Variants in FCRL2 observed in about 807,000 individuals in gnomAD.
FCRL2 encodes Fc receptor-like protein 2.
FCRL2 carries 48 observed loss-of-function variants against 59.8 expected under a neutral mutation model. The ratio of observed to expected loss-of-function variants is 0.80; its 90% CI spans 0.64 to 1.02. The LOEUF is 1.02. FCRL2 is among the 50% of genes least tolerant of loss of function. FCRL2 has a pLI of 0.00. For synonymous variants in FCRL2, 251 were observed against 229.5 expected (o/e 1.09, Z -0.85); for missense variants, 658 against 597.3 (o/e 1.10, Z -1.06).
chr1:157,768,554 A>G lies in FCRL2; in HGVS notation c.743T>C (p.Met248Thr). 1 of 1,614,166 alleles carries G rather than the reference A, an allele frequency of 6.2e-7. No homozygotes were observed. The highest frequency in any genetic ancestry group is 8.5e-7 in the Non-Finnish European group (1 of 1,180,028). Residue 248 changes from methionine (M) to threonine (T), a missense_variant, in exon 5 of 12, where the codon ATG becomes ACG. Met to Thr is a moderately conservative substitution (Grantham distance 81, BLOSUM62 -1). Coordinates refer to ENST00000361516, the MANE Select transcript of FCRL2 (RefSeq NM_030764.4). ...CAGGGAACGCTGGGTTTTCTTTCCC[A>G]TACTGGTTCCTGTGGCCTCTCTGTA... ...SWYREATGTS[M>T]GKKTQRSLSA...
chr1:157,768,418 C>T lies in FCRL2; in HGVS notation c.879G>A (p.Val293=), dbSNP rs1188340088. The T allele has an allele frequency of 1.2e-6, 2 of 1,612,942 alleles. No homozygotes were observed. Among genetic ancestry groups the T allele is most frequent in the South Asian group, 2.2e-5 (2 of 90,944 alleles). Residue 293 remains valine, a synonymous_variant, in exon 5 of 12, where the codon GTG becomes GTA. Transcript: ENST00000361516. ...ATGAATGAGAGTGTCACTCACTTCT[C>T]ACAGGGATATTCACCACCTTGCTCT... ...PIQSKVVNIP[V]RIPVSRPVLT...
At chr1:157,774,397 T>G (rs1284337184) in intron 2 of FCRL2, 1 of 455,542 alleles carries the variant, frequency 2.2e-6, no homozygotes. Context: ...TTGGTCTTTC[T>G]GGCTATATAA....
At chr1:157,775,869 G>T in intron 1 of FCRL2, 74 bp from the exon 2 acceptor site, 1 of 1,514,180 alleles carries the variant, frequency 6.6e-7, no homozygotes, top group Non-Finnish European at 9.0e-7. Flanking sequence ...TATTACTCTG[G>T]TAAATTGCTC....
At chr1:157,763,772 T>C (rs984861102) in intron 7 of FCRL2, among the ~76,000 whole-genome samples, 5 of 152,188 alleles carry the variant, frequency 3.3e-5, no homozygotes, top group Admixed American at 1.3e-4. Context: ...GGCTCATGCC[T>C]GTAATCCCAG....
intron 7 of FCRL2, among the ~76,000 whole-genome samples, chr1:157,752,053 G>T (rs1648232553): frequency 6.6e-6 from 1 of 152,304 alleles, no homozygotes; most frequent in East Asian, 1.9e-4. Context: ...GAGCTGAGTG[G>T]GTGGGAGGTG....
At chr1:157,769,444 T>C (rs1404267298) in intron 4 of FCRL2, 1 of 162,092 alleles carries the variant, frequency 6.2e-6, no homozygotes, top group Non-Finnish European at 1.4e-5. Flanking sequence ...TGTTGTTTTT[T>C]TGAGACGGAG....
At chr1:157,763,985 G>A (rs375591360) in intron 7 of FCRL2, among the ~76,000 whole-genome samples, 8 of 148,234 alleles carry the variant, frequency 5.4e-5, no homozygotes, top group South Asian at 2.1e-4. Flanking sequence ...AGCCGATATC[G>A]TGCCACTGCA....
chr1:157,769,845 C>A (rs144038061), intron 4 of FCRL2, 21 bp downstream of exon 4: 9 of 1,605,686 alleles, frequency 5.6e-6, no homozygotes, highest in Non-Finnish European at 5.1e-6. Context: ...TTTCTCCAGG[C>A]TCAGCCTCAC....
chr1:157,776,372 C>A (rs1650414191), intron 1 of FCRL2, among the ~76,000 whole-genome samples: 1 of 152,186 alleles, frequency 6.6e-6, no homozygotes, highest in Non-Finnish European at 1.5e-5. Flanking sequence ...CGGGTTCAAG[C>A]AATTCTCCTG....
intron 7 of FCRL2, 54 bp downstream of exon 7, chr1:157,766,801 T>A (rs1420054504): frequency 6.2e-7 from 1 of 1,605,306 alleles, no homozygotes; most frequent in South Asian, 1.1e-5. Flanking sequence ...TCAATCTATA[T>A]CAGTAGTGGA....
Position 157,746,895 on chromosome 1 carries a change from GT to G in FCRL2, c.1463del (p.Asn488ThrfsTer18). 6.2e-7 allele frequency: 1 copy of G among 1,613,640 alleles called. No homozygotes were observed. The highest frequency in any genetic ancestry group is 8.5e-7 in the Non-Finnish European group (1 of 1,179,986). On this transcript the variant is annotated frameshift_variant, in exon 11 of 12. Transcript: ENST00000361516. LOFTEE classifies it high-confidence loss of function. ...CCTTGTTCTCCAGAAGTGTCCTGATGTTTGCTGTTAAGGAAAAAGTAATAGT... is the reference window on the plus strand; with the variant it reads ...CCTTGTTCTCCAGAAGTGTCCTGATGTTGCTGTTAAGGAAAAAGTAATAGT... The part of the protein sequence containing the change: ...WSMQQPESSA[N>X]IRTLLENKDS...
At chr1:157,750,263 T>C (rs1648089459) in intron 7 of FCRL2, among the ~76,000 whole-genome samples, 1 of 152,166 alleles carries the variant, frequency 6.6e-6, no homozygotes, top group Non-Finnish European at 1.5e-5. Context: ...TTAAAGAGAA[T>C]CCTCATAGCG....
intron 7 of FCRL2, among the ~76,000 whole-genome samples, chr1:157,764,519 C>T (rs757372787): frequency 3.9e-5 from 6 of 152,182 alleles, no homozygotes; most frequent in East Asian, 1.9e-4. Flanking sequence ...CTACAGAATA[C>T]GCATTTTTCT....
rs574321187 is a variant in FCRL2, at chr1:157,769,068, C to T, written c.596-367G>A. On this transcript the variant is annotated intron_variant, in intron 4 of 11. Transcript: ENST00000361516. ...AAAAGTCATTATTCCTAACAACGGT[C>T]CCAATAATAATTCCTCTATCATTTT... 253 of 169,084 alleles carry T rather than the reference C, an allele frequency of 1.5e-3. 1 individual carries two copies. The highest frequency in any genetic ancestry group is 2.4e-3 in the Non-Finnish European group (191 of 79,694). 10.5% of individuals were successfully genotyped at this position (169,084 alleles called of 1,614,324 possible).
At position 157,766,840 on chromosome 1, in the gene FCRL2, A is replaced by G; in HGVS notation, c.1279+15T>C. The G allele has an allele frequency of 1.2e-6, 2 of 1,614,124 alleles. No homozygotes were observed. Among genetic ancestry groups the G allele is most frequent in the Non-Finnish European group, 1.7e-6 (2 of 1,180,012 alleles). The stretch of plus-strand genomic sequence containing the variant: ...GTCATAGCAAAATATGGAGAATCCA[A>G]ATGGTAGATACAACCTGATATCTTG... On this transcript the variant is annotated intron_variant, in intron 7 of 11. Transcript: ENST00000361516.
chr1:157,749,727 C>T, intron 7 of FCRL2, 50 bp from the exon 8 acceptor site: 1 of 1,516,410 alleles, frequency 6.6e-7, no homozygotes, highest in Non-Finnish European at 9.1e-7. Flanking sequence ...AGCTTTATCT[C>T]TTAAAATTTT....
chr1:157,761,224 C>T (rs151194622), intron 7 of FCRL2, among the ~76,000 whole-genome samples: 3 of 152,270 alleles, frequency 2.0e-5, no homozygotes, highest in Admixed American at 6.5e-5. Context: ...AGGTTTGAGG[C>T]ATAGTAGTCA....
chr1:157,773,472 G>T (rs751255159), intron 2 of FCRL2, among the ~76,000 whole-genome samples: 1 of 152,150 alleles, frequency 6.6e-6, no homozygotes, highest in Non-Finnish European at 1.5e-5. Context: ...GGGTGGACTC[G>T]GGAATACTGA....
intron 5 of FCRL2, chr1:157,767,746 TG>T (rs1324183424): frequency 6.8e-7 from 1 of 1,472,612 alleles, no homozygotes; most frequent in East Asian, 2.3e-5. Context: ...CTCATCTGAT[TG>T]TTTTCCTGTG....
Sources: gnomAD v4.1 joint callset for allele counts (sites outside exome capture counted in the v4.1 genomes callset) on GRCh38, gnomAD v4.1.1 for gene constraint, MANE v1.5 for transcripts, NCBI Gene and HGNC (gene_info 2026-07-23, HGNC 2026-07-21) for gene names.